Variants in PIF1 observed in about 807,000 individuals in gnomAD.
PIF1 encodes ATP-dependent DNA helicase PIF1.
Under a neutral mutation model 62.3 loss-of-function variants are expected in PIF1, and 67 were observed. The ratio of observed to expected loss-of-function variants is 1.08; its 90% CI spans 0.88 to 1.32. PIF1 has a LOEUF of 1.32. Ranked by LOEUF, PIF1 falls within the 40% of genes most tolerant of loss-of-function variation. PIF1 has a pLI of 0.00. For missense variants in PIF1, 886 were observed against 866.1 expected (o/e 1.02, Z -0.29); for synonymous variants, 364 against 379.5 (o/e 0.96, Z 0.47).
chr15:64,818,015 C>A lies in PIF1; in HGVS notation c.1605G>T (p.Gly535=), dbSNP rs1383105427. The A allele has an allele frequency of 6.2e-7, 1 of 1,613,436 alleles. No homozygotes were observed. Among genetic ancestry groups the A allele is most frequent in the Non-Finnish European group, 8.5e-7 (1 of 1,179,816 alleles). The part of the protein sequence containing the change: ...HADRWTVQAT[G]GQLLSRQQLP... ...GCTGCTGCCGACTGAGGAGCTGGCC[C>A]CCGGTGGCCTGCACCGTCCAGCGGT... Residue 535 remains glycine (G), a synonymous_variant, in exon 11 of 13, where the codon GGG becomes GGT. Transcript: ENST00000559239.
chr15:64,816,794 C>T, intron 11 of PIF1, 29 bp from the exon 12 acceptor site: 1 of 1,554,498 alleles, frequency 6.4e-7, no homozygotes, highest in Non-Finnish European at 8.7e-7. Context: ...GAGATGGAGT[C>T]AGCTCAGCCT....
At position 64,819,217 on chromosome 15, in the gene PIF1, A is replaced by T; in HGVS notation, c.1340T>A (p.Val447Glu). ...GCTGTCCATAGCCTCAAATCTGTGT[A>T]CCTTACCTGGAGAAAAAGAGTTGAG... ...ERRLQELPGK[V>E]HRFEAMDSNP... is the part of the protein sequence containing the mutation. The change falls in exon 9 of 13, where the codon GTA becomes GAA. Residue 447 changes from valine (V) to glutamate (E), a missense_variant. Coordinates refer to ENST00000559239, the MANE Select transcript of PIF1 (RefSeq NM_001286496.2). 6.3e-7 allele frequency: 1 copy of T among 1,599,778 alleles called. No individual in the cohort carries two copies. The highest frequency in any genetic ancestry group is 2.3e-5 in the East Asian group (1 of 43,624).
chr15:64,824,395 A>AAACGTAATGGGTGCTATAGGG, intron 1 of PIF1, 41 bp from the exon 2 acceptor site: 1 of 1,218,306 alleles, frequency 8.2e-7, no homozygotes, highest in Non-Finnish European at 1.0e-6. Flanking sequence ...AGGATTCATG[A>AAACGTAATGGGTGCTATAGGG]GACGTAATGG....
chr15:64,822,105 G>T, intron 4 of PIF1, 161 bp downstream of exon 4: 2 of 902,270 alleles, frequency 2.2e-6, no homozygotes, highest in South Asian at 1.7e-5. Context: ...AAACTCCTGG[G>T]CTCAAGCGAT....
intron 9 of PIF1, 28 bp downstream of exon 9, chr15:64,819,089 C>T: frequency 7.8e-6 from 12 of 1,537,100 alleles, no homozygotes; most frequent in Non-Finnish European, 1.0e-5. Context: ...CCCAAGCTCC[C>T]AGGGGCTAGG....
At chr15:64,823,342 G>A (rs2084316979) in intron 2 of PIF1, 2 of 153,336 alleles carry the variant, frequency 1.3e-5, no homozygotes, top group African/African-American at 4.8e-5. Context: ...CTGCCTCCCG[G>A]GTTCAAGCTA....
rs370700777 is a variant in PIF1, at chr15:64,819,931, G to A, written c.1249C>T (p.Arg417Ter). ...AGCCTCGTGGCCACAATCCCATCTC[G>A]CCCCACCTTGTGGGAAGCTGTGGCC... ...LQATASHKVG[R>*]DGIVATRLCT... Residue 417 changes from arginine (R) to a stop codon, truncating the protein, a stop_gained, in exon 8 of 13, where the codon CGA becomes TGA. Coordinates refer to ENST00000559239, the MANE Select transcript of PIF1 (RefSeq NM_001286496.2). LOFTEE classifies it high-confidence loss of function. The A allele has an allele frequency of 1.1e-5, 18 of 1,614,162 alleles. No homozygotes were observed. Among genetic ancestry groups the A allele is most frequent in the South Asian group, 2.2e-5 (2 of 91,084 alleles).
chr15:64,826,560 C>T (rs1048707142), upstream of PIF1, among the ~76,000 whole-genome samples: 1 of 144,274 alleles, frequency 6.9e-6, no homozygotes, highest in African/African-American at 2.6e-5. Flanking sequence ...GCCTCCTGGG[C>T]TCTGGTGATC....
At chr15:64,820,360 G>T (rs1224420850) in intron 7 of PIF1, among the ~76,000 whole-genome samples, 1 of 152,172 alleles carries the variant, frequency 6.6e-6, no homozygotes, top group Non-Finnish European at 1.5e-5. Context: ...CTATCCACTT[G>T]CCTCCTACCT....
At chr15:64,816,922 T>G (rs1167477047) in intron 11 of PIF1, among the ~76,000 whole-genome samples, 157 bp from the exon 12 acceptor site, 4 of 152,046 alleles carry the variant, frequency 2.6e-5, no homozygotes, top group African/African-American at 4.8e-5. Context: ...GGTGGCTGTC[T>G]GAGTAGGAGG....
intron 4 of PIF1, 58 bp downstream of exon 4, chr15:64,822,208 T>C: frequency 3.8e-6 from 6 of 1,576,042 alleles, no homozygotes; most frequent in South Asian, 1.2e-5. Flanking sequence ...ACCTCCCCTC[T>C]CTCCCTTCCC....
At chr15:64,818,694 A>C in intron 9 of PIF1, 1 of 330,274 alleles carries the variant, frequency 3.0e-6, no homozygotes, top group South Asian at 4.0e-5. Flanking sequence ...AGGTCCTGCC[A>C]CCCCTCTCAG....
rs548362403 is a variant in PIF1, at chr15:64,821,273, C to T, written c.980G>A (p.Arg327Gln). 2.0e-5 allele frequency: 32 copies of T among 1,614,076 alleles called. No homozygotes were observed. The Admixed American group carries it at 2.0e-4, about 10-fold the overall frequency. Residue 327 changes from arginine to glutamine, a missense_variant, in exon 6 of 13, where the codon CGG becomes CAG. Arg to Gln is a conservative substitution (Grantham distance 43). Coordinates refer to ENST00000559239, the MANE Select transcript of PIF1 (RefSeq NM_001286496.2). ...CCCTCCGAATGGCTTGTTCTGCTGC[C>T]GGACAGCTCTGGAGAGGAGCGTGGG... Reference protein sequence around the residue: ...DKLEAVARAVRQQNKPFGGIQ... With the variant: ...DKLEAVARAVQQQNKPFGGIQ...
At position 64,823,548 on chromosome 15, in the gene PIF1, G is replaced by T. The variant is rs982965296; in HGVS notation, c.558+230C>A. The T allele has an allele frequency of 1.5e-4, 58 of 376,676 alleles. No homozygotes were observed. In the East Asian group the frequency reaches 2.2e-3, roughly 15 times the overall value. The allele number at this position is 376,676 out of a possible 1,614,324, so 23.3% of individuals were successfully genotyped here. On this transcript the variant is annotated intron_variant, in intron 2 of 12. Transcript: ENST00000559239. ...GCGTGAGCCACCATGCCCGGCCTCT[G>T]CTTTCTCTTTTAATGTAGCCAGGTC...
At position 64,822,643 on chromosome 15, in the gene PIF1, C is replaced by A. The variant is rs757846400; in HGVS notation, c.559-33G>T. 1.9e-6 allele frequency: 3 copies of A among 1,611,752 alleles called. No homozygotes were observed. The East Asian group carries it at 6.7e-5, about 36-fold the overall frequency. ...GAACAGAGCTATCTCAGAGCATCCT[C>A]CCACCCGCTAGGCATTGCCCCCACC... On this transcript the variant is annotated intron_variant, in intron 2 of 12. Transcript: ENST00000559239.
intron 3 of PIF1, 27 bp downstream of exon 3, chr15:64,822,451 C>T (rs749441992): frequency 3.1e-6 from 5 of 1,613,920 alleles, no homozygotes; most frequent in Non-Finnish European, 8.5e-7. Flanking sequence ...CACCACTGTC[C>T]CCCTACCTCC....
At chr15:64,824,388 A>T in intron 1 of PIF1, 34 bp from the exon 2 acceptor site, 3 of 1,224,102 alleles carry the variant, frequency 2.5e-6, no homozygotes, top group Non-Finnish European at 3.1e-6. Context: ...GGTCATGAGG[A>T]TTCATGAGAC....
At position 64,821,383 on chromosome 15, in the gene PIF1, G is replaced by T. The variant is rs2084285166; in HGVS notation, c.955C>A (p.Leu319Met). The T allele has an allele frequency of 6.2e-7, 1 of 1,614,092 alleles. No homozygotes were observed. Reference sequence around the variant, plus strand: ...CATACTGACCTGGCCACGGCCTCCAGTTTGTCAAACAGGTCTGCCTCCACC... The same window carrying T: ...CATACTGACCTGGCCACGGCCTCCATTTTGTCAAACAGGTCTGCCTCCACC... ...SMVEADLFDK[L>M]EAVARAVRQQ... The change falls in exon 5 of 13, where the codon CTG (leucine) becomes ATG (methionine). Residue 319 changes from leucine to methionine, a missense_variant. Coordinates refer to ENST00000559239, the MANE Select transcript of PIF1 (RefSeq NM_001286496.2).
In PIF1 at chr15:64,816,601, G is replaced by A. The variant is rs1595810652; in HGVS notation, c.1839C>T (p.Thr613=). 1.9e-6 allele frequency: 3 copies of A among 1,613,712 alleles called. No individual in the cohort carries two copies. The highest frequency in any genetic ancestry group is 4.5e-5 in the East Asian group (2 of 44,882). The part of the protein sequence containing the change: ...CDPRVLHFYA[T]LRRGRSLSLE... Reference sequence around the variant, plus strand: ...GACTGAGGCTCCTGCCCCGCCGCAGGGTGGCATAGAAGTGCAGCACACGGG... The same window carrying A: ...GACTGAGGCTCCTGCCCCGCCGCAGAGTGGCATAGAAGTGCAGCACACGGG... The change falls in exon 12 of 13, where the codon ACC becomes ACT. Residue 613 remains threonine, a synonymous_variant. Transcript: ENST00000559239.
Sources: gnomAD v4.1 joint callset for allele counts (sites outside exome capture counted in the v4.1 genomes callset) on GRCh38, gnomAD v4.1.1 for gene constraint, MANE v1.5 for transcripts, NCBI Gene and HGNC (gene_info 2026-07-23, HGNC 2026-07-21) for gene names.